EXOC6: variants seen among roughly 807,000 people sequenced by gnomAD.
EXOC6 encodes the protein SEC15-like 1.
In EXOC6, 60 loss-of-function variants were observed where a neutral mutation model predicts 112.5. The ratio of observed to expected loss-of-function variants is 0.53; its 90% CI spans 0.43 to 0.66. EXOC6 has a LOEUF of 0.66. Ranked by LOEUF, EXOC6 falls within the 30% of genes least tolerant of loss-of-function variation. EXOC6 has a pLI of 0.00. For missense variants in EXOC6, 855 were observed against 957.1 expected (o/e 0.89, Z 1.41); for synonymous variants, 295 against 308.0 (o/e 0.96, Z 0.44).
chr10:93,009,054 C>T (rs1391643685), intron 19 of EXOC6, among the ~76,000 whole-genome samples: 1 of 151,856 alleles, frequency 6.6e-6, no homozygotes, highest in African/African-American at 2.4e-5. Context: ...CCTGTCTCTA[C>T]AGAAAATAAA....
intron 1 of EXOC6, among the ~76,000 whole-genome samples, chr10:92,860,265 CTTTTTTTTTT>C (rs35900396): frequency 2.6e-4 from 23 of 88,022 alleles, no homozygotes; most frequent in Non-Finnish European, 3.9e-4. Flanking sequence ...ATCTCCACAA[CTTTTTTTTTT>C]TTTTTTTTTT....
At chr10:92,955,488 A>G in intron 16 of EXOC6, 92 bp from the exon 17 acceptor site, 1 of 994,030 alleles carries the variant, frequency 1.0e-6, no homozygotes, top group Non-Finnish European at 1.6e-6. Context: ...GAAATGGTAC[A>G]GTTGCTGGAA....
intron 20 of EXOC6, among the ~76,000 whole-genome samples, chr10:93,017,638 G>GAAT (rs1440122808): frequency 6.6e-6 from 1 of 152,012 alleles, no homozygotes; most frequent in Non-Finnish European, 1.5e-5. Flanking sequence ...CTTGGATGAT[G>GAAT]AATACACTAA....
rs369694820 is a variant in EXOC6 at position 92,848,906 on chromosome 10, C to T, written c.101+272C>T. 5.6e-3 allele frequency among the ~76,000 whole-genome samples: 857 copies of T among 152,186 alleles called. 6 individuals carry two copies. The highest frequency in any genetic ancestry group is 0.017 in the African/African-American group (709 of 41,550). On this transcript the variant is annotated intron_variant, in intron 1 of 21. Transcript: ENST00000260762. The stretch of plus-strand genomic sequence containing the variant: ...GTGGCTGCTGCAGGGTCTCTAACCC[C>T]GGGCCCCGCGCTGCGGCCCCGCGTT...
intron 5 of EXOC6, among the ~76,000 whole-genome samples, chr10:92,902,612 A>G (rs1242904540): frequency 1.3e-5 from 2 of 152,060 alleles, no homozygotes; most frequent in South Asian, 4.2e-4. Flanking sequence ...TTTATGTTAT[A>G]CTAAAATAAA....
At chr10:93,040,157 A>G (rs1296129972) in intron 20 of EXOC6, among the ~76,000 whole-genome samples, 2 of 152,172 alleles carry the variant, frequency 1.3e-5, no homozygotes, top group South Asian at 2.1e-4. Flanking sequence ...AGCCTTTTTA[A>G]TGAGGCTCTC....
At chr10:93,018,666 T>G (rs895862795) in intron 20 of EXOC6, among the ~76,000 whole-genome samples, 3 of 152,020 alleles carry the variant, frequency 2.0e-5, no homozygotes, top group Non-Finnish European at 4.4e-5. Flanking sequence ...ATATAATGTG[T>G]GTAACTTGTT....
intron 18 of EXOC6, among the ~76,000 whole-genome samples, chr10:92,976,316 T>G (rs1842602007): frequency 6.6e-6 from 1 of 152,212 alleles, no homozygotes; most frequent in Admixed American, 6.5e-5. Context: ...ACTTTTCACT[T>G]TGTTCTGTAC....
chr10:92,877,796 CAAATT>C (rs1220649663), intron 1 of EXOC6, among the ~76,000 whole-genome samples: 2 of 152,036 alleles, frequency 1.3e-5, no homozygotes, highest in African/African-American at 4.8e-5. Flanking sequence ...AAACATTTAA[CAAATT>C]AAATATATAT....
intron 1 of EXOC6, among the ~76,000 whole-genome samples, chr10:92,836,841 A>T (rs1846674155): frequency 6.6e-6 from 1 of 152,098 alleles, no homozygotes; most frequent in South Asian, 2.1e-4. Context: ...CAGGACTCTC[A>T]TTTCAGTCAA....
intron 18 of EXOC6, 54 bp from the exon 19 acceptor site, chr10:92,997,420 T>TCGCC: frequency 6.6e-7 from 1 of 1,503,874 alleles, no homozygotes. Context: ...TTCTTTATGA[T>TCGCC]GTATTTCTAT....
chr10:93,023,488 T>C (rs1199924386), intron 20 of EXOC6, among the ~76,000 whole-genome samples: 1 of 152,194 alleles, frequency 6.6e-6, no homozygotes, highest in Non-Finnish European at 1.5e-5. Context: ...GTCCTACTGC[T>C]CTAGTAGACA....
chr10:92,972,738 A>C (rs190968103), intron 17 of EXOC6, among the ~76,000 whole-genome samples: 7 of 152,282 alleles, frequency 4.6e-5, no homozygotes, highest in African/African-American at 1.4e-4. Flanking sequence ...CTATTTCAAC[A>C]GTTTCCTTTG....
chr10:92,982,971 GAATA>G (rs1028527362), intron 18 of EXOC6, among the ~76,000 whole-genome samples: 13 of 152,242 alleles, frequency 8.5e-5, no homozygotes, highest in African/African-American at 3.1e-4. Flanking sequence ...ATATGCTCAA[GAATA>G]AATAAAGATA....
chr10:92,895,116 A>G lies in EXOC6; in HGVS notation c.412+96A>G, dbSNP rs575565484. On this transcript the variant is annotated intron_variant, in intron 4 of 21. Transcript: ENST00000260762. ...TTCTTTGGTATGGGAATTACAGATTATTTGGTGATTGCCTCACAACAAAGA... is the reference window on the plus strand; with the variant it reads ...TTCTTTGGTATGGGAATTACAGATTGTTTGGTGATTGCCTCACAACAAAGA... 3.6e-5 allele frequency: 27 copies of G among 747,914 alleles called. No individual in the cohort carries two copies. The African/African-American group carries it at 4.5e-4, about 12-fold the overall frequency. 46.3% of individuals were successfully genotyped at this position (747,914 alleles called of 1,614,324 possible). A position where few individuals can be genotyped will look rare whatever the true frequency, so the allele number is the denominator to read the frequency against.
intron 20 of EXOC6, among the ~76,000 whole-genome samples, chr10:93,028,462 G>A (rs1321682591): frequency 6.6e-6 from 1 of 152,160 alleles, no homozygotes; most frequent in Non-Finnish European, 1.5e-5. Context: ...GAATGGATGA[G>A]GTATTACTTC....
At chr10:92,973,002 A>G (rs536854585) in intron 17 of EXOC6, among the ~76,000 whole-genome samples, 1 of 152,294 alleles carries the variant, frequency 6.6e-6, no homozygotes, top group South Asian at 2.1e-4. Flanking sequence ...TGGTTGACCT[A>G]TCGTTTGTCC....
chr10:92,828,573 A>G (rs1021838268), intron 1 of EXOC6, among the ~76,000 whole-genome samples: 2 of 149,478 alleles, frequency 1.3e-5, no homozygotes, highest in Non-Finnish European at 3.0e-5. Context: ...ACCTCAGGTG[A>G]TCTGCCAGCC....
intron 5 of EXOC6, 77 bp downstream of exon 5, chr10:92,899,721 A>T: frequency 1.9e-6 from 2 of 1,026,604 alleles, no homozygotes; most frequent in Non-Finnish European, 3.0e-6. Flanking sequence ...TTTACTATAA[A>T]TCATAGTGAA....
Sources: gnomAD v4.1 joint callset for allele counts (sites outside exome capture counted in the v4.1 genomes callset) on GRCh38, gnomAD v4.1.1 for gene constraint, MANE v1.5 for transcripts, NCBI Gene and HGNC (gene_info 2026-07-23, HGNC 2026-07-21) for gene names.